The following COL11A1 variants were observed in gnomAD, a reference collection of about 807,000 sequenced individuals.
COL11A1 encodes the protein collagen type XI alpha 1 chain, also known as collagen alpha-1(XI) chain.
A neutral mutation model predicts 265.2 loss-of-function variants in COL11A1; 74 were observed. The observed-to-expected ratio is 0.28, with a 90% confidence interval of 0.23 to 0.34. COL11A1 has a LOEUF of 0.34. Among genes scored for constraint, COL11A1 ranks in the 10% least tolerant of loss-of-function variants. The pLI is 1.00. For synonymous variants in COL11A1, 816 were observed against 727.6 expected (o/e 1.12, Z -1.96); for missense variants, 2,165 against 2,263.6 (o/e 0.96, Z 0.88).
At chr1:102,894,681 C>A (rs1305553079) in intron 57 of COL11A1, among the ~76,000 whole-genome samples, 1 of 152,148 alleles carries the variant, frequency 6.6e-6, no homozygotes, top group Non-Finnish European at 1.5e-5. Flanking sequence ...TATACCGACT[C>A]TAGCAGAGTC....
In COL11A1 at chr1:103,070,591, G is replaced by C. The variant is rs1282086073; in HGVS notation, c.651+4027C>G. Reference sequence around the variant, plus strand: ...AAAAAAGATGATAAGGAATCTCTTGGGTGAGATGGCAATGTTTATTTTCTT... The same window carrying C: ...AAAAAAGATGATAAGGAATCTCTTGCGTGAGATGGCAATGTTTATTTTCTT... On this transcript the variant is annotated intron_variant, in intron 4 of 66. Transcript: ENST00000370096. 1.3e-5 allele frequency among the ~76,000 whole-genome samples: 2 copies of C among 151,786 alleles called. 1 individual carries two copies. Among genetic ancestry groups the C allele is most frequent in the Admixed American group, 1.3e-4 (2 of 15,218 alleles).
chr1:102,895,480 A>T (rs903247562), intron 57 of COL11A1, among the ~76,000 whole-genome samples: 6 of 152,154 alleles, frequency 3.9e-5, no homozygotes, highest in Non-Finnish European at 5.9e-5. Flanking sequence ...AGGGGAAAAG[A>T]GACCCAATAG....
At chr1:102,899,167 C>A (rs1652850697) in intron 54 of COL11A1, among the ~76,000 whole-genome samples, 173 bp from the exon 55 acceptor site, 1 of 151,898 alleles carries the variant, frequency 6.6e-6, no homozygotes, top group Non-Finnish European at 1.5e-5. Flanking sequence ...TATGTACAAA[C>A]TTCCTCTTAG....
chr1:103,010,533 CTTAATGGTTG>C (rs1176268605), intron 14 of COL11A1, among the ~76,000 whole-genome samples: 1 of 152,070 alleles, frequency 6.6e-6, no homozygotes, highest in Non-Finnish European at 1.5e-5. Flanking sequence ...TTGGCTGGCT[CTTAATGGTTG>C]TTTAATGAAA....
chr1:102,912,251 A>G (rs756190955), intron 53 of COL11A1, 39 bp from the exon 54 acceptor site: 3 of 1,533,786 alleles, frequency 2.0e-6, no homozygotes, highest in South Asian at 1.2e-5. Flanking sequence ...AAAATTGGAT[A>G]TTATTTTGTG....
chr1:102,970,143 T>G, intron 37 of COL11A1, 76 bp downstream of exon 37: 2 of 1,170,770 alleles, frequency 1.7e-6, no homozygotes, highest in Non-Finnish European at 2.5e-6. Flanking sequence ...ATGTTCATAA[T>G]AAAGTAGCTT....
chr1:102,942,272 G>A (rs1658799356), intron 42 of COL11A1, among the ~76,000 whole-genome samples: 1 of 152,084 alleles, frequency 6.6e-6, no homozygotes, highest in South Asian at 2.1e-4. Context: ...TTTTGTATAA[G>A]GTTTCCTGTA....
intron 46 of COL11A1, among the ~76,000 whole-genome samples, chr1:102,925,082 G>A (rs1656444050): frequency 6.6e-6 from 1 of 151,858 alleles, no homozygotes; most frequent in Admixed American, 6.6e-5. Context: ...AAAATACAAT[G>A]TAAAAGCTCT....
intron 4 of COL11A1, among the ~76,000 whole-genome samples, chr1:103,067,406 A>G (rs1010758855): frequency 6.6e-6 from 1 of 151,874 alleles, no homozygotes; most frequent in African/African-American, 2.4e-5. Context: ...AATAAAATAA[A>G]AAAAGAAATT....
chr1:103,004,475 T>G lies in COL11A1; in HGVS notation c.1913A>C (p.Glu638Ala), dbSNP rs1665410595. 6.2e-7 allele frequency: 1 copy of G among 1,611,824 alleles called. No homozygotes were observed. The highest frequency in any genetic ancestry group is 1.7e-5 in the Admixed American group (1 of 59,978). Residue 638 changes from glutamate (E) to alanine (A), a missense_variant, in exon 20 of 67, where the codon GAA (glutamate) becomes GCA (alanine). Coordinates refer to ENST00000370096, the MANE Select transcript of COL11A1 (RefSeq NM_001854.4). ...GDDGMRGEDGEIGPRGLPGEA... is the reference protein window; with the variant it reads ...GDDGMRGEDGAIGPRGLPGEA... ...ACCTGGAAGACCTCTTGGTCCAATT[T>G]CTCCATCTTCTCCCTGTCATTGACA...
At chr1:103,084,705 A>G (rs940353517) in intron 1 of COL11A1, among the ~76,000 whole-genome samples, 6 of 152,196 alleles carry the variant, frequency 3.9e-5, no homozygotes, top group Non-Finnish European at 7.4e-5. Flanking sequence ...ATGCAGTTCA[A>G]GTATTATTTT....
At chr1:103,008,302 T>A (rs1265419235) in intron 15 of COL11A1, among the ~76,000 whole-genome samples, 161 bp downstream of exon 15, 2 of 152,132 alleles carry the variant, frequency 1.3e-5, no homozygotes, top group Non-Finnish European at 2.9e-5. Context: ...AATATCGTAA[T>A]CAGTTTTCTC....
intron 41 of COL11A1, among the ~76,000 whole-genome samples, chr1:102,947,305 A>C (rs771592157): frequency 3.3e-5 from 5 of 152,088 alleles, no homozygotes; most frequent in Non-Finnish European, 5.9e-5. Context: ...CTCCTACATA[A>C]ATTTCTCCCT....
At chr1:103,003,898 T>A (rs977042448) in intron 20 of COL11A1, among the ~76,000 whole-genome samples, 1 of 152,122 alleles carries the variant, frequency 6.6e-6, no homozygotes, top group Non-Finnish European at 1.5e-5. Context: ...TTGAACTTAC[T>A]TGACAAGGAT....
chr1:102,909,964 ATGAC>A (rs753460631), intron 54 of COL11A1, among the ~76,000 whole-genome samples: 2 of 152,060 alleles, frequency 1.3e-5, no homozygotes, highest in African/African-American at 4.8e-5. Context: ...ATTAGTAAAT[ATGAC>A]TGAAAATATT....
intron 30 of COL11A1, among the ~76,000 whole-genome samples, chr1:102,986,882 A>G (rs1663619002): frequency 6.6e-6 from 1 of 152,170 alleles, no homozygotes; most frequent in Non-Finnish European, 1.5e-5. Flanking sequence ...ACATATTGAT[A>G]TTGTGTCAAG....
rs992512424 is a variant in COL11A1, at chr1:103,047,511, G to A, written c.652-16267C>T. Among the ~76,000 whole-genome samples, 44 of 152,218 alleles carry A rather than the reference G, an allele frequency of 2.9e-4. 1 individual carries two copies. The highest frequency in any genetic ancestry group is 1.8e-4 in the Non-Finnish European group (12 of 68,002). ...GCTTAAGGAGATTTTGGGCTGAGAC[G>A]ATGGGGTTTTCTGGATATACAATCA... On this transcript the variant is annotated intron_variant, in intron 4 of 66. Transcript: ENST00000370096.
At chr1:103,036,698 G>C (rs1013613570) in intron 4 of COL11A1, among the ~76,000 whole-genome samples, 2 of 151,984 alleles carry the variant, frequency 1.3e-5, no homozygotes, top group Non-Finnish European at 2.9e-5. Context: ...CATTGTTACA[G>C]ATTGAATGAA....
chr1:103,014,453 A>G (rs1215638506), intron 13 of COL11A1, 58 bp downstream of exon 13: 17 of 1,351,030 alleles, frequency 1.3e-5, no homozygotes, highest in Non-Finnish European at 1.8e-5. Context: ...ATGTACACAC[A>G]TATATACTTG....
Sources: gnomAD v4.1 joint callset for allele counts (sites outside exome capture counted in the v4.1 genomes callset) on GRCh38, gnomAD v4.1.1 for gene constraint, MANE v1.5 for transcripts, NCBI Gene and HGNC (gene_info 2026-07-23, HGNC 2026-07-21) for gene names.